The following NRG1 variants were observed in gnomAD, a reference collection of about 807,000 sequenced individuals.
NRG1 encodes the protein neuregulin 1, also known as pro-neuregulin-1, membrane-bound isoform.
In NRG1, 18 loss-of-function variants were observed where a neutral mutation model predicts 63.8. That is an observed-to-expected ratio of 0.28 (90% confidence interval 0.19 to 0.42). The LOEUF is 0.42. Ranked by LOEUF, NRG1 falls within the 10% of genes least tolerant of loss-of-function variation. The pLI is 1.00. For synonymous variants in NRG1, 302 were observed against 301.3 expected (o/e 1.00, Z -0.02); for missense variants, 762 against 814.7 (o/e 0.94, Z 0.79).
At chr8:32,418,364 CTT>C (rs1245994475) in intron 1 of NRG1, among the ~76,000 whole-genome samples, 2 of 150,960 alleles carry the variant, frequency 1.3e-5, no homozygotes, top group Non-Finnish European at 1.5e-5. Context: ...AATATACTCT[CTT>C]TAACTCTTTA....
chr8:32,338,882 C>T (rs115097037), intron 1 of NRG1, among the ~76,000 whole-genome samples: 3,159 of 152,216 alleles, frequency 0.021, 106 homozygotes, highest in African/African-American at 0.072. Context: ...TCAGTTGTTA[C>T]ATCTGGCTTT....
At chr8:32,090,310 T>C (rs540347667) in intron 1 of NRG1, among the ~76,000 whole-genome samples, 6 of 152,324 alleles carry the variant, frequency 3.9e-5, no homozygotes, top group Admixed American at 2.6e-4. Flanking sequence ...TAGCTGAAAA[T>C]ACATTGAATC....
chr8:32,737,246 A>T (rs1825298649), intron 6 of NRG1, among the ~76,000 whole-genome samples: 1 of 152,132 alleles, frequency 6.6e-6, no homozygotes, highest in African/African-American at 2.4e-5. Context: ...GGATACTGGG[A>T]ATTTCTGTAA....
At chr8:31,818,284 G>T (rs1323911742) in intron 1 of NRG1, among the ~76,000 whole-genome samples, 1 of 152,118 alleles carries the variant, frequency 6.6e-6, no homozygotes, top group Non-Finnish European at 1.5e-5. Flanking sequence ...GGTTCATGAT[G>T]GATTCACATT....
At chr8:32,290,637 C>A (rs1417523865) in intron 1 of NRG1, among the ~76,000 whole-genome samples, 1 of 152,148 alleles carries the variant, frequency 6.6e-6, no homozygotes, top group Non-Finnish European at 1.5e-5. Flanking sequence ...ATGTCACAGA[C>A]CATATTCACG....
intron 1 of NRG1, among the ~76,000 whole-genome samples, chr8:32,077,715 G>A (rs1826805393): frequency 6.6e-6 from 1 of 152,190 alleles, no homozygotes; most frequent in Non-Finnish European, 1.5e-5. Context: ...GAACTTTGAT[G>A]AGCCTAATAC....
intron 7 of NRG1, among the ~76,000 whole-genome samples, chr8:32,772,975 A>C (rs12542546): frequency 1.3e-5 from 2 of 152,002 alleles, no homozygotes; most frequent in Admixed American, 1.3e-4. Flanking sequence ...TTTTTTTGCA[A>C]AACAAAGGCC....
intron 5 of NRG1, among the ~76,000 whole-genome samples, chr8:32,625,333 T>C (rs1448027566): frequency 6.6e-6 from 1 of 152,270 alleles, no homozygotes; most frequent in Non-Finnish European, 1.5e-5. Context: ...CCTAGAGCTA[T>C]GCTCATCTTT....
intron 1 of NRG1, among the ~76,000 whole-genome samples, chr8:31,747,925 C>T (rs1477818020): frequency 6.6e-6 from 1 of 151,928 alleles, no homozygotes; most frequent in African/African-American, 2.4e-5. Context: ...GGCTGAATGA[C>T]TTCTTACAGT....
chr8:32,725,464 A>ATTTTTTTTT lies in NRG1; in HGVS notation c.503-2464_503-2456dup, dbSNP rs71209904. Among the ~76,000 whole-genome samples, 294 of 67,588 alleles carry ATTTTTTTTT rather than the reference A, an allele frequency of 4.3e-3. 12 individuals are homozygous for ATTTTTTTTT. Among genetic ancestry groups the ATTTTTTTTT allele is most frequent in the East Asian group, 5.7e-3 (9 of 1,574 alleles). The allele number at this position is 67,588 out of a possible 152,430, so 44.3% of individuals were successfully genotyped here. On this transcript the variant is annotated intron_variant, in intron 5 of 11. Coordinates refer to ENST00000356819, the Ensembl canonical transcript of NRG1. ...TTTAACATTCGAGGCAAACTTCCTA[A>ATTTTTTTTT]TTTTTTTTTTTTTTTTTTTTTTTTT...
At chr8:31,695,134 G>T (rs1809923150) in intron 1 of NRG1, among the ~76,000 whole-genome samples, 1 of 152,176 alleles carries the variant, frequency 6.6e-6, no homozygotes, top group African/African-American at 2.4e-5. Flanking sequence ...TGGCAGAGCA[G>T]GAGGAAGAGA....
At chr8:32,059,871 TCTGA>T (rs555293523) in intron 1 of NRG1, among the ~76,000 whole-genome samples, 121 of 152,102 alleles carry the variant, frequency 8.0e-4, no homozygotes, top group Middle Eastern at 6.8e-3. Context: ...CTTCTCTTTC[TCTGA>T]CTTTTAATAT....
intron 1 of NRG1, among the ~76,000 whole-genome samples, chr8:32,332,796 T>C (rs944254209): frequency 2.0e-5 from 3 of 152,208 alleles, no homozygotes; most frequent in South Asian, 4.1e-4. Flanking sequence ...CTCTGTCATA[T>C]GCAAGCTCGT....
intron 1 of NRG1, among the ~76,000 whole-genome samples, chr8:32,151,138 G>T (rs1585671614): frequency 6.6e-6 from 1 of 152,066 alleles, no homozygotes; most frequent in East Asian, 1.9e-4. Flanking sequence ...AAATTAGCAG[G>T]AGGGGCACCG....
chr8:32,048,178 C>A (rs1306926412), intron 1 of NRG1, among the ~76,000 whole-genome samples: 4 of 151,516 alleles, frequency 2.6e-5, no homozygotes, highest in African/African-American at 9.7e-5. Flanking sequence ...AATGTCATAT[C>A]TTGACTATTG....
intron 1 of NRG1, chr8:32,139,403 A>G (rs564505859): frequency 1.6e-4 from 25 of 152,348 alleles, no homozygotes; most frequent in African/African-American, 6.0e-4. Flanking sequence ...ACAGTCATGA[A>G]ACAAAAGTTG....
chr8:32,061,858 T>C (rs1823932003), intron 1 of NRG1: 2 of 152,026 alleles, frequency 1.3e-5, no homozygotes, highest in East Asian at 3.9e-4. Flanking sequence ...CTGCATTCTT[T>C]GTTGCGTCAT....
intron 1 of NRG1, among the ~76,000 whole-genome samples, chr8:31,821,342 A>G (rs978632647): frequency 3.3e-5 from 5 of 152,316 alleles, no homozygotes; most frequent in Non-Finnish European, 5.9e-5. Context: ...TGAAAGGCAC[A>G]CTGTGTAATT....
At chr8:31,803,584 G>A (rs1182510727) in intron 1 of NRG1, among the ~76,000 whole-genome samples, 1 of 152,154 alleles carries the variant, frequency 6.6e-6, no homozygotes, top group African/African-American at 2.4e-5. Context: ...CCCATGCCTT[G>A]AATGTAAATA....
Sources: allele counts gnomAD v4.1 joint callset (sites outside exome capture counted in the v4.1 genomes callset), GRCh38; gene constraint gnomAD v4.1.1; transcripts MANE v1.5; gene names NCBI Gene and HGNC (gene_info 2026-07-23, HGNC 2026-07-21).